Variants in PRKAG2 observed in about 807,000 individuals in gnomAD.
PRKAG2 encodes the protein protein kinase AMP-activated non-catalytic subunit gamma 2.
In PRKAG2, 26 loss-of-function variants were observed where a neutral mutation model predicts 69.6. That is an observed-to-expected ratio of 0.37 (90% CI 0.27 to 0.52). The LOEUF (loss-of-function observed/expected upper bound fraction) is 0.52. Ranked by LOEUF, PRKAG2 falls within the 20% of genes least tolerant of loss-of-function variation. The pLI, the probability that PRKAG2 is intolerant of heterozygous loss-of-function variation, is 0.90. For synonymous variants in PRKAG2, 293 were observed against 285.0 expected (o/e 1.03, Z -0.28); for missense variants, 557 against 740.0 (o/e 0.75, Z 2.87).
At chr7:151,743,319 C>T (rs767173045) in intron 3 of PRKAG2, among the ~76,000 whole-genome samples, 2 of 152,148 alleles carry the variant, frequency 1.3e-5, no homozygotes, top group African/African-American at 2.4e-5. Context: ...CCAGGTAATT[C>T]GGGTGGCAGA....
intron 1 of PRKAG2, among the ~76,000 whole-genome samples, chr7:151,865,742 G>A (rs571658835): frequency 3.9e-5 from 6 of 152,296 alleles, no homozygotes; most frequent in South Asian, 4.1e-4. Flanking sequence ...AGAAGAGGCC[G>A]GGCGCAGTGG....
Position 151,780,959 on chromosome 7 carries a change from G to C in PRKAG2, c.466+193C>G, listed in dbSNP as rs2076635797. Reference sequence around the variant, plus strand: ...TGATAGATTAGCATGGGAAGAAAGTGACAGGTGGAAACTGATGTTCTGGAG... The same window carrying C: ...TGATAGATTAGCATGGGAAGAAAGTCACAGGTGGAAACTGATGTTCTGGAG... On this transcript the variant is annotated intron_variant, in intron 3 of 15. Coordinates refer to ENST00000287878, the MANE Select transcript of PRKAG2 (RefSeq NM_016203.4). The surrounding 1 kb of genome is among the most constrained non-coding windows in gnomAD (Gnocchi z 4.2). Among the ~76,000 whole-genome samples the C allele has an allele frequency of 6.6e-6, 1 of 152,194 alleles. No individual in the cohort carries two copies. The highest frequency in any genetic ancestry group is 1.5e-5 in the Non-Finnish European group (1 of 68,046).
intron 3 of PRKAG2, among the ~76,000 whole-genome samples, chr7:151,770,363 A>C (rs760998049): frequency 2.2e-4 from 34 of 152,204 alleles, no homozygotes; most frequent in Non-Finnish European, 4.6e-4. Flanking sequence ...TGCATGCTGC[A>C]CACAATTAGC....
chr7:151,826,993 A>G (rs2078916431), intron 1 of PRKAG2, among the ~76,000 whole-genome samples: 1 of 152,234 alleles, frequency 6.6e-6, no homozygotes, highest in Non-Finnish European at 1.5e-5. Flanking sequence ...AGGTTTGGAG[A>G]AAATTTAACA....
intron 6 of PRKAG2, among the ~76,000 whole-genome samples, chr7:151,590,007 G>C (rs1398576976): frequency 6.6e-6 from 1 of 152,208 alleles, no homozygotes; most frequent in Non-Finnish European, 1.5e-5. Flanking sequence ...CTTGGAATTG[G>C]TTTCCCATCC....
rs1463341768 is a variant in PRKAG2, at chr7:151,777,520, C to T, written c.466+3632G>A. On this transcript the variant is annotated intron_variant, in intron 3 of 15. Coordinates refer to ENST00000287878, the MANE Select transcript of PRKAG2 (RefSeq NM_016203.4). This position sits in a 1 kb window ranked among gnomAD's most constrained non-coding sequence, Gnocchi z 4.3. ...GGGTGCTTTAAAGACTCCAGTACCT[C>T]CCCCCTCTCTCTTGCTCCCTTGCGT... is the stretch of plus-strand genomic sequence containing the variant. Among the ~76,000 whole-genome samples, 2 of 152,138 alleles carry T rather than the reference C, an allele frequency of 1.3e-5. No homozygotes were observed. The highest frequency in any genetic ancestry group is 2.4e-5 in the African/African-American group (1 of 41,422).
At chr7:151,820,315 G>A (rs559006540) in intron 1 of PRKAG2, among the ~76,000 whole-genome samples, 6 of 152,352 alleles carry the variant, frequency 3.9e-5, no homozygotes, top group Middle Eastern at 3.4e-3. Flanking sequence ...CTCTGACCTC[G>A]CTCCTACCCC....
chr7:151,835,320 G>T lies in PRKAG2; in HGVS notation c.114+41187C>A, dbSNP rs1022079637. The stretch of plus-strand genomic sequence containing the variant: ...TGCAGCCTTGACCTCCTGGGCTCAA[G>T]TGATCCTCCAGGTAATATTTTTATT... On this transcript the variant is annotated intron_variant, in intron 1 of 15. Transcript: ENST00000287878. This position sits in a 1 kb window ranked among gnomAD's most constrained non-coding sequence, Gnocchi z 4.1. Among the ~76,000 whole-genome samples, 1 of 152,090 alleles carries T rather than the reference G, an allele frequency of 6.6e-6. No individual in the cohort carries two copies. The highest frequency in any genetic ancestry group is 1.5e-5 in the Non-Finnish European group (1 of 68,022).
chr7:151,813,006 A>G (rs188220777), intron 1 of PRKAG2, among the ~76,000 whole-genome samples: 63 of 151,540 alleles, frequency 4.2e-4, no homozygotes, highest in African/African-American at 1.4e-3. Context: ...AAGTTGGGGA[A>G]GCAGCTGGAA....
chr7:151,739,576 C>G (rs1241028546), intron 3 of PRKAG2, among the ~76,000 whole-genome samples: 4 of 151,910 alleles, frequency 2.6e-5, no homozygotes, highest in South Asian at 2.1e-4. Context: ...CTCAAATGAT[C>G]CTCCCACCTC....
intron 6 of PRKAG2, among the ~76,000 whole-genome samples, chr7:151,587,473 GGAA>G (rs1005278190): frequency 6.6e-6 from 1 of 152,150 alleles, no homozygotes; most frequent in Admixed American, 6.5e-5. Context: ...ATGGAAAGGA[GGAA>G]GAAGAATCAT....
intron 12 of PRKAG2, 75 bp downstream of exon 12, chr7:151,565,645 G>T: frequency 6.5e-7 from 1 of 1,543,982 alleles, no homozygotes; most frequent in Non-Finnish European, 8.9e-7. Flanking sequence ...CGTATCTCCT[G>T]TGCCAGGTCA....
At position 151,780,322 on chromosome 7, in the gene PRKAG2, T is replaced by C. The variant is rs1344157085; in HGVS notation, c.466+830A>G. On this transcript the variant is annotated intron_variant, in intron 3 of 15. Transcript: ENST00000287878. This position sits in a 1 kb window ranked among gnomAD's most constrained non-coding sequence, Gnocchi z 4.2. ...TTGCTCTAACACACAGTATTGCCAG[T>C]CTTTCTGAGTAAAAGTCAGCCTGGA... 6.6e-6 allele frequency among the ~76,000 whole-genome samples: 1 copy of C among 152,212 alleles called. No homozygotes were observed. The highest frequency in any genetic ancestry group is 2.4e-5 in the African/African-American group (1 of 41,458).
At chr7:151,619,073 G>T (rs1447956144) in intron 5 of PRKAG2, among the ~76,000 whole-genome samples, 1 of 152,202 alleles carries the variant, frequency 6.6e-6, no homozygotes, top group Non-Finnish European at 1.5e-5. Context: ...AGTTCAAAGT[G>T]AGTTGCAATC....
chr7:151,788,220 G>A lies in PRKAG2; in HGVS notation c.115-1679C>T, dbSNP rs2077107969. Among the ~76,000 whole-genome samples, 1 of 152,178 alleles carries A rather than the reference G, an allele frequency of 6.6e-6. No individual in the cohort carries two copies. Among genetic ancestry groups the A allele is most frequent in the Non-Finnish European group, 1.5e-5 (1 of 68,032 alleles). Reference sequence around the variant, plus strand: ...ACCCCATTTTACTTTCCCACCCACAGTACACAGGGTTTCAATTTCTCCACA... The same window carrying A: ...ACCCCATTTTACTTTCCCACCCACAATACACAGGGTTTCAATTTCTCCACA... On this transcript the variant is annotated intron_variant, in intron 1 of 15. Transcript: ENST00000287878. This position sits in a 1 kb window ranked among gnomAD's most constrained non-coding sequence, Gnocchi z 4.6.
intron 4 of PRKAG2, among the ~76,000 whole-genome samples, chr7:151,634,376 A>G (rs552356943): frequency 5.9e-5 from 9 of 152,328 alleles, no homozygotes; most frequent in African/African-American, 2.2e-4. Context: ...TTTTTGGAGA[A>G]AATATTTGGG....
intron 3 of PRKAG2, among the ~76,000 whole-genome samples, chr7:151,749,455 G>A (rs920558962): frequency 2.0e-5 from 3 of 152,184 alleles, no homozygotes; most frequent in African/African-American, 7.2e-5. Flanking sequence ...TGAAGGTGAC[G>A]TTGGTCATCA....
chr7:151,773,356 T>A (rs909179582), intron 3 of PRKAG2, among the ~76,000 whole-genome samples: 1 of 152,164 alleles, frequency 6.6e-6, no homozygotes, highest in African/African-American at 2.4e-5. Context: ...GGTTTATAGA[T>A]CCCTAAGATC....
intron 5 of PRKAG2, among the ~76,000 whole-genome samples, chr7:151,621,370 C>CA (rs140962607): frequency 0.021 from 3,254 of 152,200 alleles, 105 homozygotes; most frequent in African/African-American, 0.073. Context: ...TAAGACCTTT[C>CA]ATTATCTTAT....
Sources: allele counts gnomAD v4.1 joint callset (sites outside exome capture counted in the v4.1 genomes callset), GRCh38; gene constraint gnomAD v4.1.1; non-coding constraint Gnocchi (gnomAD v3.1); transcripts MANE v1.5; gene names NCBI Gene and HGNC (gene_info 2026-07-23, HGNC 2026-07-21).